SLC24A3: variants seen among roughly 807,000 people sequenced by gnomAD.
SLC24A3 encodes solute carrier family 24 member 3.
A neutral mutation model predicts 75.8 loss-of-function variants in SLC24A3; 28 were observed. The ratio of observed to expected loss-of-function variants is 0.37; its 90% CI spans 0.27 to 0.51. The LOEUF is 0.51. SLC24A3 is among the 20% of genes least tolerant of loss of function. The pLI, the probability that SLC24A3 is intolerant of heterozygous loss-of-function variation, is 0.94. For synonymous variants in SLC24A3, 372 were observed against 334.1 expected (o/e 1.11, Z -1.24); for missense variants, 663 against 847.8 (o/e 0.78, Z 2.71).
chr20:19,534,400 G>A (rs1430764251), intron 3 of SLC24A3, among the ~76,000 whole-genome samples: 1 of 24,924 alleles, frequency 4.0e-5, no homozygotes, highest in Admixed American at 3.5e-4. Flanking sequence ...AGGCTTTTCT[G>A]TTGTTGTTTT....
intron 15 of SLC24A3, among the ~76,000 whole-genome samples, chr20:19,703,921 G>C (rs2032900201): frequency 6.6e-6 from 1 of 152,090 alleles, no homozygotes; most frequent in African/African-American, 2.4e-5. Flanking sequence ...CATCCTTCAG[G>C]TATCAATATA....
chr20:19,545,312 TC>T (rs1417585363), intron 3 of SLC24A3, among the ~76,000 whole-genome samples: 1 of 152,176 alleles, frequency 6.6e-6, no homozygotes, highest in African/African-American at 2.4e-5. Flanking sequence ...GGAGAGGAAT[TC>T]CCTATTTCCA....
intron 2 of SLC24A3, among the ~76,000 whole-genome samples, chr20:19,510,623 G>T (rs1429325142): frequency 6.6e-6 from 1 of 152,250 alleles, no homozygotes; most frequent in East Asian, 1.9e-4. Context: ...TGTAAGAGTG[G>T]GACCCCAATC....
At chr20:19,368,362 AC>A (rs1985934378) in intron 2 of SLC24A3, among the ~76,000 whole-genome samples, 2 of 152,050 alleles carry the variant, frequency 1.3e-5, no homozygotes, top group Non-Finnish European at 1.5e-5. Flanking sequence ...CTGCCCTGGG[AC>A]CCTCGTGCCC....
intron 2 of SLC24A3, among the ~76,000 whole-genome samples, chr20:19,319,945 G>C (rs971685672): frequency 1.3e-5 from 2 of 152,184 alleles, no homozygotes; most frequent in South Asian, 2.1e-4. Context: ...CCAAGCATGG[G>C]GAGGTCGCAG....
At chr20:19,508,392 C>T (rs151145565) in intron 2 of SLC24A3, among the ~76,000 whole-genome samples, 2 of 152,270 alleles carry the variant, frequency 1.3e-5, no homozygotes, top group East Asian at 3.9e-4. Context: ...TTTGCTCAGA[C>T]ATGTTAAGGG....
At chr20:19,381,277 G>A (rs1986175841) in intron 2 of SLC24A3, among the ~76,000 whole-genome samples, 1 of 152,352 alleles carries the variant, frequency 6.6e-6, no homozygotes, top group South Asian at 2.1e-4. Context: ...CCACCATGGA[G>A]CTTACATTCT....
At chr20:19,602,645 A>G (rs1436839614) in intron 6 of SLC24A3, among the ~76,000 whole-genome samples, 1 of 152,206 alleles carries the variant, frequency 6.6e-6, no homozygotes, top group Non-Finnish European at 1.5e-5. Context: ...ATACACATCT[A>G]CCAAGAGAGT....
At chr20:19,618,302 A>C (rs896733755) in intron 6 of SLC24A3, among the ~76,000 whole-genome samples, 2 of 152,100 alleles carry the variant, frequency 1.3e-5, no homozygotes, top group Non-Finnish European at 2.9e-5. Context: ...ATTTTCTCAC[A>C]CTTCTGGAGG....
chr20:19,560,944 A>G (rs2030865766), intron 3 of SLC24A3, among the ~76,000 whole-genome samples: 3 of 152,190 alleles, frequency 2.0e-5, no homozygotes, highest in Admixed American at 2.0e-4. Flanking sequence ...AATCATATGT[A>G]CGTGTGGATG....
chr20:19,553,438 T>C (rs1568654157), intron 3 of SLC24A3, among the ~76,000 whole-genome samples: 1 of 152,110 alleles, frequency 6.6e-6, no homozygotes, highest in Non-Finnish European at 1.5e-5. Flanking sequence ...ATTCAGAAAA[T>C]GAGAAATCTC....
At chr20:19,483,968 T>C (rs1568631114) in intron 2 of SLC24A3, among the ~76,000 whole-genome samples, 1 of 152,200 alleles carries the variant, frequency 6.6e-6, no homozygotes, top group Non-Finnish European at 1.5e-5. Context: ...GCAATTCCAC[T>C]TTGAGATACG....
chr20:19,293,562 A>G (rs907977485), intron 2 of SLC24A3, among the ~76,000 whole-genome samples: 3 of 149,934 alleles, frequency 2.0e-5, no homozygotes, highest in Non-Finnish European at 4.4e-5. Flanking sequence ...AGGCTGAGGT[A>G]TGAGAATCAC....
intron 1 of SLC24A3, among the ~76,000 whole-genome samples, chr20:19,226,334 G>T (rs1238257127): frequency 1.3e-5 from 2 of 151,998 alleles, no homozygotes; most frequent in Non-Finnish European, 2.9e-5. Context: ...TCGGTTGAGG[G>T]CTTTTGTGTC....
At chr20:19,486,487 C>T (rs1354560722) in intron 2 of SLC24A3, among the ~76,000 whole-genome samples, 1 of 152,206 alleles carries the variant, frequency 6.6e-6, no homozygotes, top group Non-Finnish European at 1.5e-5. Flanking sequence ...TATCTGCCTG[C>T]TGGTGAGATA....
chr20:19,416,583 G>A (rs1986831133), intron 2 of SLC24A3, among the ~76,000 whole-genome samples: 1 of 152,172 alleles, frequency 6.6e-6, no homozygotes, highest in Admixed American at 6.5e-5. Context: ...GCCTTGTCCT[G>A]CTGGTTCCCA....
intron 6 of SLC24A3, among the ~76,000 whole-genome samples, chr20:19,621,672 T>A (rs2031806221): frequency 6.6e-6 from 1 of 152,156 alleles, no homozygotes; most frequent in African/African-American, 2.4e-5. Flanking sequence ...TTGAAAGGAC[T>A]GGGATGGGGC....
intron 1 of SLC24A3, among the ~76,000 whole-genome samples, chr20:19,253,634 C>T (rs558816592): frequency 6.6e-6 from 1 of 152,338 alleles, no homozygotes; most frequent in Admixed American, 6.5e-5. Flanking sequence ...TGTGAAGTCA[C>T]CCCACTGTTA....
intron 2 of SLC24A3, among the ~76,000 whole-genome samples, chr20:19,511,055 C>A (rs547127981): frequency 1.3e-5 from 2 of 152,296 alleles, no homozygotes; most frequent in East Asian, 1.9e-4. Flanking sequence ...CGGAGCCCCC[C>A]ACCCTGCTGC....
Sources: allele counts gnomAD v4.1 joint callset (sites outside exome capture counted in the v4.1 genomes callset), GRCh38; gene constraint gnomAD v4.1.1; transcripts MANE v1.5; gene names NCBI Gene and HGNC (gene_info 2026-07-23, HGNC 2026-07-21).